Variants in HNRNPUL1 observed in about 807,000 individuals in gnomAD.
The protein encoded by HNRNPUL1 is heterogeneous nuclear ribonucleoprotein U-like protein 1.
A neutral mutation model predicts 108.5 loss-of-function variants in HNRNPUL1; 14 were observed. The observed-to-expected ratio is 0.13, with a 90% CI of 0.09 to 0.20. The LOEUF is 0.20. Among genes scored for constraint, HNRNPUL1 ranks in the 10% least tolerant of loss-of-function variants. The pLI is 1.00. For synonymous variants in HNRNPUL1, 422 were observed against 445.2 expected, an observed-to-expected ratio of 0.95 and a Z score of 0.66; for missense variants, 804 against 1,168.3, an observed-to-expected ratio of 0.69 and a Z score of 4.55.
chr19:41,268,202 C>T (rs1463920789), intron 1 of HNRNPUL1, 21 bp from the exon 2 acceptor site: 1 of 1,610,954 alleles, frequency 6.2e-7, no homozygotes, highest in East Asian at 2.2e-5. Flanking sequence ...TCTAATTGGC[C>T]ATTTTTAATT....
intron 4 of HNRNPUL1, among the ~76,000 whole-genome samples, chr19:41,274,993 C>T (rs903314909): frequency 3.9e-5 from 6 of 152,046 alleles, no homozygotes; most frequent in East Asian, 1.9e-4. Context: ...GAAAGGAGAG[C>T]GCCTCATGGG....
Position 41,273,968 on chromosome 19 carries a change from T to C in HNRNPUL1, c.573-14T>C, listed in dbSNP as rs2035398373. 7 of 1,609,058 alleles carry C rather than the reference T, an allele frequency of 4.4e-6. No individual in the cohort carries two copies. The East Asian group carries it at 8.9e-5, about 21-fold the overall frequency. Reference sequence around the variant, plus strand: ...CATTGTTCTTGTATGACTTAACCCCTGTTTCTAATACAGGGGCCGCTCTCC... The same window carrying C: ...CATTGTTCTTGTATGACTTAACCCCCGTTTCTAATACAGGGGCCGCTCTCC... On this transcript the variant is annotated splice_polypyrimidine_tract_variant and intron_variant, in intron 3 of 14. Coordinates refer to ENST00000392006, the MANE Select transcript of HNRNPUL1 (RefSeq NM_007040.6).
In HNRNPUL1 at chr19:41,292,623, CT is replaced by C; in HGVS notation, c.1266+115del. The C allele has an allele frequency of 7.6e-7, 1 of 1,322,616 alleles. No individual in the cohort carries two copies. The highest frequency in any genetic ancestry group is 1.1e-6 in the Non-Finnish European group (1 of 938,998). 81.9% of individuals were successfully genotyped at this position (1,322,616 alleles called of 1,614,324 possible). ...AGAGTAGCCTTGGGGCAAGTGGCCA[CT>C]TTGTCCCAGCTCCTCAGGGTTGGAC... On this transcript the variant is annotated intron_variant, in intron 8 of 14. Coordinates refer to ENST00000392006, the MANE Select transcript of HNRNPUL1 (RefSeq NM_007040.6). The surrounding 1 kb of genome is among the most constrained non-coding windows in gnomAD (Gnocchi z 4.1).
At chr19:41,276,026 C>T in intron 4 of HNRNPUL1, 133 bp from the exon 5 acceptor site, 2 of 1,075,620 alleles carry the variant, frequency 1.9e-6, no homozygotes, top group Non-Finnish European at 2.8e-6. Context: ...TCACTTGAAC[C>T]CGGGAGGCGG....
intron 7 of HNRNPUL1, among the ~76,000 whole-genome samples, chr19:41,288,915 G>C (rs910172423): frequency 6.6e-6 from 1 of 152,020 alleles, no homozygotes; most frequent in Admixed American, 6.6e-5. Context: ...CACATTTTCC[G>C]TGCTGGCATG....
At chr19:41,282,921 C>T (rs1599800061) in intron 7 of HNRNPUL1, among the ~76,000 whole-genome samples, 1 of 151,780 alleles carries the variant, frequency 6.6e-6, no homozygotes, top group East Asian at 1.9e-4. Flanking sequence ...GTCTCGATCT[C>T]CTGACCTCGT....
intron 2 of HNRNPUL1, among the ~76,000 whole-genome samples, chr19:41,271,265 G>A (rs189647220): frequency 6.6e-6 from 1 of 152,206 alleles, no homozygotes; most frequent in Non-Finnish European, 1.5e-5. Flanking sequence ...TGTGAGACTT[G>A]TAGGATCATT....
chr19:41,296,388 A>C (rs1423716337), intron 10 of HNRNPUL1, among the ~76,000 whole-genome samples: 1 of 152,202 alleles, frequency 6.6e-6, no homozygotes, highest in Non-Finnish European at 1.5e-5. Flanking sequence ...CAGGGCTACC[A>C]GCCTCCTGCT....
intron 11 of HNRNPUL1, 82 bp from the exon 12 acceptor site, chr19:41,302,583 C>T: frequency 6.4e-7 from 1 of 1,551,404 alleles, no homozygotes; most frequent in Middle Eastern, 1.7e-4. Flanking sequence ...TGGAAGGCCA[C>T]TCTTCTGGGT....
rs374735263 is a variant in HNRNPUL1, at chr19:41,294,467, C to T, written c.1389+7C>T. On this transcript the variant is annotated splice_region_variant and intron_variant, in intron 9 of 14. Coordinates refer to ENST00000392006, the MANE Select transcript of HNRNPUL1 (RefSeq NM_007040.6). This position sits in a 1 kb window ranked among gnomAD's most constrained non-coding sequence, Gnocchi z 4.3. ...CATCATGGATAAGATGCGGGTAAGG[C>T]CAGCCACTGGACTCTCCTTACTCAC... The T allele has an allele frequency of 1.5e-5, 25 of 1,614,008 alleles. No individual in the cohort carries two copies. The highest frequency in any genetic ancestry group is 2.1e-5 in the Non-Finnish European group (25 of 1,180,014).
rs2072187040 is a variant in HNRNPUL1 at position 41,274,030 on chromosome 19, T to C, written c.621T>C (p.Asp207=). 1.2e-6 allele frequency: 2 copies of C among 1,614,096 alleles called. No homozygotes were observed. Among genetic ancestry groups the C allele is most frequent in the South Asian group, 1.1e-5 (1 of 91,094 alleles). Reference sequence around the variant, plus strand: ...CTGAAGAGGATGAAGATGACTTTGATGATACCCTTGTTGCTATTGACACCT... The same window carrying C: ...CTGAAGAGGATGAAGATGACTTTGACGATACCCTTGTTGCTATTGACACCT... The part of the protein sequence containing the change: ...PPAEEDEDDF[D]DTLVAIDTYN... Residue 207 remains aspartate (D), a synonymous_variant, in exon 4 of 15, where the codon GAT becomes GAC. Transcript: ENST00000392006.
At chr19:41,282,692 C>CTTTTTTTTT (rs57909999) in intron 7 of HNRNPUL1, among the ~76,000 whole-genome samples, 3 of 141,446 alleles carry the variant, frequency 2.1e-5, no homozygotes, top group East Asian at 2.0e-4. Context: ...TTCTTTTTTT[C>CTTTTTTTTT]TTTTTTTTTT....
chr19:41,277,510 G>T (rs1262464390), intron 5 of HNRNPUL1, among the ~76,000 whole-genome samples: 4 of 152,088 alleles, frequency 2.6e-5, no homozygotes, highest in Admixed American at 2.6e-4. Context: ...TTGTTTGTTT[G>T]TTTTTTTGTT....
chr19:41,301,739 G>T (rs2037223598), intron 11 of HNRNPUL1, 35 bp downstream of exon 11: 1 of 1,579,940 alleles, frequency 6.3e-7, no homozygotes, highest in South Asian at 1.1e-5. Flanking sequence ...GAACGTCAAT[G>T]CAGGGTCCTG....
intron 2 of HNRNPUL1, among the ~76,000 whole-genome samples, chr19:41,269,480 G>GAAA (rs35932282): frequency 1.5e-4 from 7 of 48,168 alleles, no homozygotes; most frequent in Non-Finnish European, 2.0e-4. Flanking sequence ...ACCCTGTCAC[G>GAAA]AAAAAAAAAA....
In HNRNPUL1 at chr19:41,306,869, CTTGAT is replaced by C. The variant is rs2037577669; in HGVS notation, c.*305_*309del. 1 of 229,504 alleles carries C rather than the reference CTTGAT, an allele frequency of 4.4e-6. No homozygotes were observed. Among genetic ancestry groups the C allele is most frequent in the African/African-American group, 2.3e-5 (1 of 44,094 alleles). 14.2% of individuals were successfully genotyped at this position (229,504 alleles called of 1,614,324 possible). ...TTTTGACTAAATAATCCCCACCTCC[CTTGAT>C]CATACAGTGAGGCTACAGTGACTGA... On this transcript the variant is annotated 3_prime_UTR_variant, in exon 15 of 15. Transcript: ENST00000392006.
In HNRNPUL1 at chr19:41,277,177, C is replaced by G. The variant is rs564350000; in HGVS notation, c.786+879C>G. The stretch of plus-strand genomic sequence containing the variant: ...TCCTCTCAGTTCCCATCCTACCATC[C>G]TACTCCCTGGAGGGAACTTCTGTGT... On this transcript the variant is annotated intron_variant, in intron 5 of 14. Transcript: ENST00000392006. Among the ~76,000 whole-genome samples, 146 of 152,214 alleles carry G rather than the reference C, an allele frequency of 9.6e-4. 1 individual carries two copies. Among genetic ancestry groups the G allele is most frequent in the East Asian group, 9.6e-4 (5 of 5,184 alleles).
chr19:41,293,464 A>G (rs2036705660), intron 8 of HNRNPUL1, among the ~76,000 whole-genome samples: 1 of 152,224 alleles, frequency 6.6e-6, no homozygotes, highest in Non-Finnish European at 1.5e-5. Context: ...CAAGGGAATG[A>G]ACGTCATTCT....
intron 3 of HNRNPUL1, 180 bp downstream of exon 3, chr19:41,272,415 C>A: frequency 1.6e-6 from 1 of 615,170 alleles, no homozygotes; most frequent in Non-Finnish European, 2.7e-6. Context: ...ACTTTTGGTC[C>A]TTCCCCCAGT....
Sources: gnomAD v4.1 joint callset for allele counts (sites outside exome capture counted in the v4.1 genomes callset) on GRCh38, gnomAD v4.1.1 for gene constraint, Gnocchi (gnomAD v3.1) non-coding constraint, MANE v1.5 for transcripts, NCBI Gene and HGNC (gene_info 2026-07-23, HGNC 2026-07-21) for gene names.